Variants in DRC8 observed in about 807,000 individuals in gnomAD.
DRC8 encodes dynein regulatory complex subunit 8, also known as dynein regulatory complex protein 8.
At chr1:245,083,917 A>G in the DRC8 span, 21 of 482,224 alleles carry the variant, frequency 4.4e-5, no homozygotes, top group East Asian at 3.7e-5. Flanking sequence ...TGTGAAGCAC[A>G]GTGATTACTT....
At chr1:245,114,663 G>C in the DRC8 span, among the ~76,000 whole-genome samples, 1 of 152,138 alleles carries the variant, frequency 6.6e-6, no homozygotes, top group African/African-American at 2.4e-5. Flanking sequence ...AAATAGGGCA[G>C]ATTTTTTATT....
the DRC8 span, among the ~76,000 whole-genome samples, chr1:245,060,002 C>T: frequency 6.6e-6 from 1 of 152,080 alleles, no homozygotes; most frequent in Admixed American, 6.6e-5. Flanking sequence ...CCAGAAAGGT[C>T]TCTGATCTCA....
At chr1:244,970,680 C>CCTCTCTCCCCTCTTCCCTCCCTCTT in the DRC8 span, 1 of 495,056 alleles carries the variant, frequency 2.0e-6, no homozygotes, top group Non-Finnish European at 3.5e-6. Context: ...CCCCGCCCCG[C>CCTCTCTCCCCTCTTCCCTCCCTCTT]CTCTCTCCCC....
the DRC8 span, among the ~76,000 whole-genome samples, chr1:245,034,982 A>G: frequency 1.3e-5 from 2 of 152,154 alleles, no homozygotes; most frequent in African/African-American, 2.4e-5. Flanking sequence ...GAAAATTTCA[A>G]ATCTAATGAG....
At chr1:245,091,784 T>G in the DRC8 span, 1 of 152,252 alleles carries the variant, frequency 6.6e-6, no homozygotes, top group Non-Finnish European at 1.5e-5. Flanking sequence ...GTACCTTGTT[T>G]GCAAAGGGAA....
chr1:245,089,808 G>A, the DRC8 span, among the ~76,000 whole-genome samples: 1 of 152,094 alleles, frequency 6.6e-6, no homozygotes, highest in Non-Finnish European at 1.5e-5. This position sits in a 1 kb window ranked among gnomAD's most constrained non-coding sequence, Gnocchi z 4.8. Flanking sequence ...TAGTCCAAGG[G>A]CTGAGAGCCC....
At chr1:245,108,784 T>C in the DRC8 span, among the ~76,000 whole-genome samples, 1 of 152,170 alleles carries the variant, frequency 6.6e-6, no homozygotes. Flanking sequence ...ACTCCTATAA[T>C]ACGAGATGAT....
chr1:245,083,595 T>C, the DRC8 span: 1 of 1,598,752 alleles, frequency 6.3e-7, no homozygotes, highest in Non-Finnish European at 8.5e-7. Flanking sequence ...ATGAAAAATA[T>C]AATATCTATC....
chr1:245,026,405 T>C, the DRC8 span, among the ~76,000 whole-genome samples: 1 of 152,254 alleles, frequency 6.6e-6, no homozygotes, highest in Non-Finnish European at 1.5e-5. Flanking sequence ...CATATAGTGC[T>C]GTTTTGAAGA....
chr1:245,023,050 A>G, the DRC8 span: 1 of 152,204 alleles, frequency 6.6e-6, no homozygotes, highest in African/African-American at 2.4e-5. Flanking sequence ...TAAAATTGGA[A>G]CGCTACAGAG....
the DRC8 span, among the ~76,000 whole-genome samples, chr1:245,117,615 G>A: frequency 1.1e-4 from 16 of 151,808 alleles, no homozygotes; most frequent in African/African-American, 3.9e-4. Context: ...TAGAGATGAA[G>A]TTTCACCATG....
the DRC8 span, among the ~76,000 whole-genome samples, chr1:245,003,639 G>C: frequency 1.3e-5 from 2 of 152,190 alleles, no homozygotes; most frequent in Non-Finnish European, 2.9e-5. Context: ...GAGCAGGCTA[G>C]GGTGCAGTGG....
chr1:245,044,151 C>T, the DRC8 span: 1 of 152,166 alleles, frequency 6.6e-6, no homozygotes, highest in Non-Finnish European at 1.5e-5. Flanking sequence ...TTTACTCATA[C>T]TTTGAGGTTA....
the DRC8 span, chr1:245,083,550 T>A: frequency 6.3e-7 from 1 of 1,581,324 alleles, no homozygotes; most frequent in Non-Finnish European, 8.6e-7. Context: ...TACACACATA[T>A]ATGAAAAATT....
At chr1:245,083,769 G>A in the DRC8 span, 1 of 1,504,924 alleles carries the variant, frequency 6.6e-7, no homozygotes, top group Non-Finnish European at 8.9e-7. Context: ...AGTTATAGGG[G>A]ATACTTTAAA....
the DRC8 span, among the ~76,000 whole-genome samples, chr1:245,052,666 T>C: frequency 6.6e-6 from 1 of 151,968 alleles, no homozygotes; most frequent in Admixed American, 6.6e-5. Flanking sequence ...GCTGGGCAGG[T>C]GGAGAAGAAT....
the DRC8 span, among the ~76,000 whole-genome samples, chr1:245,100,535 C>CTT: frequency 6.6e-6 from 1 of 152,074 alleles, no homozygotes; most frequent in East Asian, 1.9e-4. Context: ...AATCTCAGCA[C>CTT]TTTGAGAGGC....
the DRC8 span, among the ~76,000 whole-genome samples, chr1:244,986,401 TG>T: frequency 6.6e-6 from 1 of 152,132 alleles, no homozygotes; most frequent in Admixed American, 6.5e-5. Flanking sequence ...GAGGCTCCAT[TG>T]TGGCTGGAAT....
chr1:245,083,749 G>A, the DRC8 span: 5 of 1,546,572 alleles, frequency 3.2e-6, no homozygotes, highest in East Asian at 1.2e-4. Context: ...TTTGTTAACA[G>A]TTATGCGAAA....
Sources: gnomAD v4.1 joint callset for allele counts (sites outside exome capture counted in the v4.1 genomes callset) on GRCh38, gnomAD v4.1.1 for gene constraint, Gnocchi (gnomAD v3.1) non-coding constraint, MANE v1.5 for transcripts, NCBI Gene and HGNC (gene_info 2026-07-23, HGNC 2026-07-21) for gene names.